Variants in SEMA5A observed in about 807,000 individuals in gnomAD.
SEMA5A encodes semaphorin-5A.
In SEMA5A, 55 loss-of-function variants were observed where a neutral mutation model predicts 135.5. The ratio of observed to expected loss-of-function variants is 0.41; its 90% confidence interval spans 0.33 to 0.51. The LOEUF (loss-of-function observed/expected upper bound fraction) is 0.51, where lower values mean the gene tolerates loss of function less well. Among genes scored for constraint, SEMA5A ranks in the 20% least tolerant of loss-of-function variants. SEMA5A has a pLI of 0.37. For synonymous variants in SEMA5A, 580 were observed against 546.5 expected, an observed-to-expected ratio of 1.06 and a Z score of -0.85; for missense variants, 1,290 against 1,419.9, an observed-to-expected ratio of 0.91 and a Z score of 1.47.
At chr5:9,283,652 CA>C (rs1370633537) in intron 5 of SEMA5A, among the ~76,000 whole-genome samples, 8 of 152,126 alleles carry the variant, frequency 5.3e-5, no homozygotes, top group Admixed American at 2.0e-4. Context: ...GTAGGTCCAC[CA>C]GGGGGCAGAA....
chr5:9,120,734 A>G (rs1740768632), intron 14 of SEMA5A, among the ~76,000 whole-genome samples: 1 of 152,072 alleles, frequency 6.6e-6, no homozygotes, highest in Non-Finnish European at 1.5e-5. Context: ...GTGCTTTCAA[A>G]TTTGTTTGGA....
chr5:9,362,172 C>T (rs1469721741), intron 3 of SEMA5A, among the ~76,000 whole-genome samples: 1 of 152,120 alleles, frequency 6.6e-6, no homozygotes, highest in African/African-American at 2.4e-5. Flanking sequence ...GATTCAGTTT[C>T]TGGCCTCCCT....
intron 15 of SEMA5A, among the ~76,000 whole-genome samples, chr5:9,115,542 C>A (rs544236099): frequency 7.2e-5 from 11 of 152,296 alleles, no homozygotes; most frequent in African/African-American, 2.6e-4. Flanking sequence ...GATAACTTCT[C>A]CCTTTGGCTT....
At chr5:9,271,757 C>T (rs1749985476) in intron 5 of SEMA5A, among the ~76,000 whole-genome samples, 1 of 152,104 alleles carries the variant, frequency 6.6e-6, no homozygotes, top group South Asian at 2.1e-4. Context: ...ATCACTTCAC[C>T]CGGGAAGCAC....
intron 6 of SEMA5A, among the ~76,000 whole-genome samples, chr5:9,229,956 C>A (rs945015564): frequency 6.6e-6 from 1 of 151,988 alleles, no homozygotes; most frequent in African/African-American, 2.4e-5. Context: ...GAACAAAGTG[C>A]AAATAAGACT....
intron 11 of SEMA5A, among the ~76,000 whole-genome samples, chr5:9,175,192 T>C (rs1320598615): frequency 1.3e-5 from 2 of 151,948 alleles, no homozygotes; most frequent in African/African-American, 4.8e-5. Context: ...ATCCCGTGTG[T>C]TCATGGAGGG....
intron 12 of SEMA5A, among the ~76,000 whole-genome samples, chr5:9,140,591 TGA>T (rs1742014103): frequency 1.3e-5 from 2 of 152,218 alleles, no homozygotes; most frequent in Admixed American, 6.5e-5. Context: ...AGATCGAATC[TGA>T]GAGTGTCTTC....
intron 5 of SEMA5A, among the ~76,000 whole-genome samples, chr5:9,281,386 G>C (rs571240346): frequency 4.6e-5 from 7 of 152,084 alleles, no homozygotes; most frequent in Non-Finnish European, 7.4e-5. Flanking sequence ...GCCCCCCCAG[G>C]GGACATTCAG....
At chr5:9,078,140 A>C (rs1303798840) in intron 16 of SEMA5A, among the ~76,000 whole-genome samples, 1 of 152,220 alleles carries the variant, frequency 6.6e-6, no homozygotes, top group African/African-American at 2.4e-5. Flanking sequence ...AGCAAAAGCC[A>C]GGAATTCAGA....
intron 16 of SEMA5A, among the ~76,000 whole-genome samples, chr5:9,082,364 T>C (rs1738434861): frequency 6.6e-6 from 1 of 152,184 alleles, no homozygotes; most frequent in South Asian, 2.1e-4. Flanking sequence ...ACACTGTTGG[T>C]AGGTAACTGA....
At position 9,187,847 on chromosome 5, in the gene SEMA5A, C is replaced by T. The variant is rs185343045; in HGVS notation, c.1273+2420G>A. On this transcript the variant is annotated intron_variant, in intron 11 of 22. Coordinates refer to ENST00000382496, the MANE Select transcript of SEMA5A (RefSeq NM_003966.3). ...AGGATCAGATGGTCTGGAATCCCTG[C>T]GGCAGCTGAGTCCTGAGCTACTCTC... Among the ~76,000 whole-genome samples the T allele has an allele frequency of 1.2e-3, 186 of 152,304 alleles. 1 individual carries two copies. Among genetic ancestry groups the T allele is most frequent in the East Asian group, 5.8e-4 (3 of 5,178 alleles).
intron 5 of SEMA5A, among the ~76,000 whole-genome samples, chr5:9,244,311 T>C (rs906563370): frequency 5.3e-5 from 8 of 152,212 alleles, no homozygotes; most frequent in South Asian, 4.1e-4. Flanking sequence ...AATTCTGCCA[T>C]GTCCAGGTAC....
At chr5:9,301,128 A>G (rs907530332) in intron 5 of SEMA5A, among the ~76,000 whole-genome samples, 3 of 152,228 alleles carry the variant, frequency 2.0e-5, no homozygotes, top group Admixed American at 1.3e-4. Context: ...TGACAACTAT[A>G]TTAACAAGCT....
At chr5:9,322,087 G>A (rs140197489) in intron 4 of SEMA5A, among the ~76,000 whole-genome samples, 31 of 152,234 alleles carry the variant, frequency 2.0e-4, no homozygotes, top group East Asian at 1.9e-3. Context: ...ACCTGCTTCC[G>A]GTTTTCAGGT....
rs969030607 is a variant in SEMA5A, at chr5:9,336,728, G to A, written c.224+985C>T. ...CTCAAGATCCAAGAGCAAAAGCAAC[G>A]ATCCTAGAAACTGTTCAATGTTTAT... On this transcript the variant is annotated intron_variant, in intron 4 of 22. Transcript: ENST00000382496. Among the ~76,000 whole-genome samples, 101 of 152,200 alleles carry A rather than the reference G, an allele frequency of 6.6e-4. 2 individuals are homozygous for A. Among genetic ancestry groups the A allele is most frequent in the African/African-American group, 2.3e-3 (97 of 41,532 alleles).
At chr5:9,277,612 A>C (rs951375176) in intron 5 of SEMA5A, among the ~76,000 whole-genome samples, 1 of 152,226 alleles carries the variant, frequency 6.6e-6, no homozygotes, top group African/African-American at 2.4e-5. Context: ...TGGCACATAT[A>C]CACCATGGAA....
At chr5:9,478,141 C>G (rs116668704) in intron 1 of SEMA5A, among the ~76,000 whole-genome samples, 1,863 of 152,324 alleles carry the variant, frequency 0.012, 34 homozygotes, top group African/African-American at 0.041. Context: ...ACGTGGTGTT[C>G]AGCCTTCAGG....
chr5:9,265,904 C>T (rs1021724668), intron 5 of SEMA5A, among the ~76,000 whole-genome samples: 3 of 152,236 alleles, frequency 2.0e-5, no homozygotes, highest in African/African-American at 7.2e-5. Context: ...AAATGCTAGG[C>T]GGAGAAGGGC....
At chr5:9,173,626 C>T (rs1446419922) in intron 11 of SEMA5A, among the ~76,000 whole-genome samples, 1 of 152,128 alleles carries the variant, frequency 6.6e-6, no homozygotes, top group Non-Finnish European at 1.5e-5. Flanking sequence ...ACCTAATCAC[C>T]TCCTAAAGGC....
Sources: allele counts gnomAD v4.1 joint callset (sites outside exome capture counted in the v4.1 genomes callset), GRCh38; gene constraint gnomAD v4.1.1; transcripts MANE v1.5; gene names NCBI Gene and HGNC (gene_info 2026-07-23, HGNC 2026-07-21).